Variants in TRPM3 observed in about 807,000 individuals in gnomAD.
TRPM3 encodes the protein transient receptor potential cation channel subfamily M member 3.
In TRPM3, 77 loss-of-function variants were observed where a neutral mutation model predicts 181.2. The ratio of observed to expected loss-of-function variants is 0.42; its 90% CI spans 0.35 to 0.51. The LOEUF (loss-of-function observed/expected upper bound fraction) is 0.51, where lower values mean the gene tolerates loss of function less well. Ranked by LOEUF, TRPM3 falls within the 20% of genes least tolerant of loss-of-function variation. The pLI is 0.01. For synonymous variants in TRPM3, 745 were observed against 796.4 expected (o/e 0.94, Z 1.09); for missense variants, 1,759 against 2,196.7 (o/e 0.80, Z 3.98).
chr9:70,650,276 T>C (rs2059438313), intron 9 of TRPM3, among the ~76,000 whole-genome samples: 1 of 152,168 alleles, frequency 6.6e-6, no homozygotes, highest in African/African-American at 2.4e-5. Flanking sequence ...AATTTGCCCA[T>C]GTAACAAACC....
chr9:70,599,985 CA>C (rs2059602581), intron 20 of TRPM3, among the ~76,000 whole-genome samples: 1 of 152,188 alleles, frequency 6.6e-6, no homozygotes, highest in African/African-American at 2.4e-5. Context: ...AAACTCAATA[CA>C]TATTTGTCAA....
chr9:70,611,667 T>C (rs1463969454), intron 18 of TRPM3, among the ~76,000 whole-genome samples: 1 of 152,212 alleles, frequency 6.6e-6, no homozygotes. Context: ...CTTAGGCATG[T>C]GCCTTGGTTC....
intron 1 of TRPM3, among the ~76,000 whole-genome samples, chr9:70,870,686 G>A (rs985338902): frequency 2.0e-5 from 3 of 151,914 alleles, no homozygotes; most frequent in Admixed American, 1.3e-4. Flanking sequence ...TGATAATCAG[G>A]TTTCAAAAGA....
At chr9:70,783,591 C>T (rs970693814) in intron 7 of TRPM3, among the ~76,000 whole-genome samples, 1 of 152,128 alleles carries the variant, frequency 6.6e-6, no homozygotes, top group Non-Finnish European at 1.5e-5. Flanking sequence ...AGAGTAGTTA[C>T]CATTACAGAG....
chr9:70,897,085 G>A (rs2096289457), intron 1 of TRPM3, among the ~76,000 whole-genome samples: 2 of 145,042 alleles, frequency 1.4e-5, no homozygotes, highest in Non-Finnish European at 3.0e-5. Context: ...TCATTTCTTT[G>A]TGTTGAGAAC....
chr9:70,831,981 A>ATATATATATTTATATATATATATT (rs2093948851), intron 5 of TRPM3, among the ~76,000 whole-genome samples: 4 of 119,392 alleles, frequency 3.4e-5, no homozygotes, highest in African/African-American at 6.4e-5. Context: ...ATATATATAT[A>ATATATATATTTATATATATATATT]TATATATATA....
At chr9:71,212,101 T>C (rs2079542758) in intron 1 of TRPM3, among the ~76,000 whole-genome samples, 2 of 152,098 alleles carry the variant, frequency 1.3e-5, no homozygotes, top group Admixed American at 6.6e-5. Flanking sequence ...GCTGATTTCA[T>C]GGTTTTTTTG....
intron 1 of TRPM3, among the ~76,000 whole-genome samples, chr9:71,417,939 TTGA>T (rs2093662083): frequency 6.6e-6 from 1 of 152,016 alleles, no homozygotes; most frequent in Non-Finnish European, 1.5e-5. Flanking sequence ...TTTTTTTAAG[TTGA>T]TGATTTTTTA....
rs13283806 is a variant in TRPM3 at position 70,880,023 on chromosome 9, C to A, written c.178-15512G>T. Reference sequence around the variant, plus strand: ...CATGCTGGAAAACACTGATAAAAGACAAATTATGTATTAAATCTCCACCCT... The same window carrying A: ...CATGCTGGAAAACACTGATAAAAGAAAAATTATGTATTAAATCTCCACCCT... On this transcript the variant is annotated intron_variant, in intron 1 of 25. Coordinates refer to ENST00000677713, the MANE Select transcript of TRPM3 (RefSeq NM_001366145.2). 3.3e-5 allele frequency among the ~76,000 whole-genome samples: 5 copies of A among 151,994 alleles called. No individual in the cohort carries two copies. The East Asian group carries it at 5.8e-4, about 18-fold the overall frequency.
At chr9:70,820,468 A>T (rs925343454) in intron 6 of TRPM3, among the ~76,000 whole-genome samples, 4 of 152,138 alleles carry the variant, frequency 2.6e-5, no homozygotes, top group African/African-American at 9.7e-5. Context: ...ACCTCAGGTG[A>T]TCCGCCCACC....
intron 21 of TRPM3, among the ~76,000 whole-genome samples, chr9:70,592,405 G>A (rs921407318): frequency 2.6e-5 from 4 of 152,170 alleles, no homozygotes; most frequent in Non-Finnish European, 2.9e-5. Context: ...TGTATCTGAC[G>A]CTGAGTTCTC....
chr9:70,763,914 G>A (rs1192954709), intron 7 of TRPM3, among the ~76,000 whole-genome samples: 1 of 152,150 alleles, frequency 6.6e-6, no homozygotes, highest in Non-Finnish European at 1.5e-5. Context: ...AATGAGCATC[G>A]GCATAGTTGG....
chr9:71,300,582 G>T (rs990082288), intron 1 of TRPM3, among the ~76,000 whole-genome samples: 6 of 151,948 alleles, frequency 3.9e-5, no homozygotes, highest in Admixed American at 3.9e-4. Flanking sequence ...AGCCTTCCTT[G>T]TGTATGTTTG....
intron 6 of TRPM3, 69 bp downstream of exon 6, chr9:70,827,778 T>G: frequency 1.3e-6 from 2 of 1,530,268 alleles, no homozygotes; most frequent in Non-Finnish European, 1.8e-6. Flanking sequence ...TGCTGCATGG[T>G]GTACTTAAAG....
chr9:70,835,170 C>A lies in TRPM3; in HGVS notation c.802-7152G>T, dbSNP rs537164336. ...AGCTTCCTGAGGCCTTCACTAGGGG[C>A]AGATGCAGGCATTATGTTTCTCTTA... On this transcript the variant is annotated intron_variant, in intron 5 of 25. Coordinates refer to ENST00000677713, the MANE Select transcript of TRPM3 (RefSeq NM_001366145.2). Among the ~76,000 whole-genome samples, 9 of 152,222 alleles carry A rather than the reference C, an allele frequency of 5.9e-5. No individual in the cohort carries two copies. The South Asian group carries it at 1.9e-3, about 32-fold the overall frequency.
At chr9:70,796,663 C>A (rs1377947089) in intron 6 of TRPM3, among the ~76,000 whole-genome samples, 2 of 152,176 alleles carry the variant, frequency 1.3e-5, no homozygotes, top group Non-Finnish European at 2.9e-5. Context: ...TTACATATAG[C>A]TTTTGAAGTT....
At chr9:71,388,816 C>T (rs1014090009) in intron 1 of TRPM3, among the ~76,000 whole-genome samples, 1 of 152,076 alleles carries the variant, frequency 6.6e-6, no homozygotes, top group African/African-American at 2.4e-5. Context: ...TGCAGATTTG[C>T]CATCCAGAGC....
At chr9:71,283,884 A>G (rs2085062057) in intron 1 of TRPM3, among the ~76,000 whole-genome samples, 1 of 152,196 alleles carries the variant, frequency 6.6e-6, no homozygotes. Flanking sequence ...GTCTTCTGAG[A>G]GTTATGTTTC....
chr9:71,080,171 A>AAAATAAATAAAC (rs146188847), intron 1 of TRPM3, among the ~76,000 whole-genome samples: 1 of 133,196 alleles, frequency 7.5e-6, no homozygotes, highest in Non-Finnish European at 1.6e-5. Context: ...ACTCCATCTC[A>AAAATAAATAAAC]AAATAAATAA....
Sources: allele counts gnomAD v4.1 joint callset (sites outside exome capture counted in the v4.1 genomes callset), GRCh38; gene constraint gnomAD v4.1.1; transcripts MANE v1.5; gene names NCBI Gene and HGNC (gene_info 2026-07-23, HGNC 2026-07-21).